NTNG2: variants seen among roughly 807,000 people sequenced by gnomAD.
The protein encoded by NTNG2 is netrin G2.
Under a neutral mutation model 47.6 loss-of-function variants are expected in NTNG2, and 15 were observed. That is an observed-to-expected ratio of 0.32 (90% confidence interval 0.21 to 0.49). NTNG2 has a LOEUF of 0.49. Among genes scored for constraint, NTNG2 ranks in the 20% least tolerant of loss-of-function variants. The pLI is 0.99. For synonymous variants in NTNG2, 307 were observed against 324.6 expected (o/e 0.95, Z 0.58); for missense variants, 578 against 764.6 (o/e 0.76, Z 2.88).
At position 132,231,167 on chromosome 9, in the gene NTNG2, C is replaced by T. The variant is rs1032735323; in HGVS notation, c.1054+572C>T. ...GAGTCGGACCAGGGAGGGGCATCTGCAGGAGGTGGGGGTCCTGAGAGTTCC... is the reference window on the plus strand; with the variant it reads ...GAGTCGGACCAGGGAGGGGCATCTGTAGGAGGTGGGGGTCCTGAGAGTTCC... On this transcript the variant is annotated intron_variant, in intron 5 of 7. Coordinates refer to ENST00000393229, the MANE Select transcript of NTNG2 (RefSeq NM_032536.4). The surrounding 1 kb of genome is among the most constrained non-coding windows in gnomAD (Gnocchi z 4.1). The T allele has an allele frequency of 2.6e-6, 1 of 384,892 alleles. No individual in the cohort carries two copies. Among genetic ancestry groups the T allele is most frequent in the East Asian group, 7.7e-5 (1 of 12,966 alleles). 23.8% of individuals were successfully genotyped at this position (384,892 alleles called of 1,614,324 possible).
At position 132,198,351 on chromosome 9, in the gene NTNG2, C is replaced by T. The variant is rs1227245973; in HGVS notation, c.599C>T (p.Ser200Leu). The T allele has an allele frequency of 6.2e-7, 1 of 1,612,882 alleles. No individual in the cohort carries two copies. Among genetic ancestry groups the T allele is most frequent in the Non-Finnish European group, 8.5e-7 (1 of 1,179,918 alleles). Residue 200 changes from serine to leucine, a missense_variant, in exon 3 of 8, where the codon TCG becomes TTG. By Grantham distance (145) the Ser-to-Leu change is moderately radical (BLOSUM62 -2). Transcript: ENST00000393229. ...CGCGTGCTCTGCACCGAGGAGTACT[C>T]GCGCTGGGCAGGCTCCAAGAAGGAG... is the stretch of plus-strand genomic sequence containing the variant. The part of the protein sequence containing the change: ...AHRVLCTEEY[S>L]RWAGSKKEKH...
rs2131233631 is a variant in NTNG2, at chr9:132,162,849, C to T, written c.-484+610C>T. Among the ~76,000 whole-genome samples the T allele has an allele frequency of 6.6e-6, 1 of 152,106 alleles. No individual in the cohort carries two copies. ...GAGGGGGTCGGGAGGTGAGGGGGCGCAGGCACTGGTTTGGGGCCGGCGTGG... is the reference window on the plus strand; with the variant it reads ...GAGGGGGTCGGGAGGTGAGGGGGCGTAGGCACTGGTTTGGGGCCGGCGTGG... On this transcript the variant is annotated intron_variant, in intron 1 of 7. Coordinates refer to ENST00000393229, the MANE Select transcript of NTNG2 (RefSeq NM_032536.4). This position sits in a 1 kb window ranked among gnomAD's most constrained non-coding sequence, Gnocchi z 4.6.
chr9:132,211,847 G>A (rs1301479876), intron 3 of NTNG2, among the ~76,000 whole-genome samples: 2 of 152,222 alleles, frequency 1.3e-5, no homozygotes, highest in Non-Finnish European at 2.9e-5. Flanking sequence ...AGCAGGGATG[G>A]GGTCTGGCTT....
chr9:132,228,661 G>A (rs1160260978), intron 4 of NTNG2, among the ~76,000 whole-genome samples: 1 of 151,692 alleles, frequency 6.6e-6, no homozygotes, highest in African/African-American at 2.4e-5. Flanking sequence ...GGGCTTGAGC[G>A]ATCCTCCCAC....
intron 2 of NTNG2, among the ~76,000 whole-genome samples, chr9:132,175,483 G>A (rs746770498): frequency 4.6e-5 from 7 of 152,228 alleles, no homozygotes; most frequent in Non-Finnish European, 1.0e-4. Context: ...GACCGGGGCT[G>A]ACCTGGCCAG....
rs148325549 is a variant in NTNG2, at chr9:132,205,124, GA to G, written c.857+6517del. On this transcript the variant is annotated intron_variant, in intron 3 of 7. Transcript: ENST00000393229. ...TCCGCTCCTAGGTATAGACCCAACA[GA>G]ACTGAAAGAAGGGACTTGAACAGAT... Among the ~76,000 whole-genome samples the G allele has an allele frequency of 7.3e-3, 1,116 of 152,306 alleles. 13 individuals are homozygous for G. The highest frequency in any genetic ancestry group is 0.025 in the African/African-American group (1,033 of 41,546).
intron 2 of NTNG2, among the ~76,000 whole-genome samples, chr9:132,190,866 T>TC (rs1339284478): frequency 6.6e-6 from 1 of 152,138 alleles, no homozygotes; most frequent in Non-Finnish European, 1.5e-5. Context: ...CTGGCTGCCT[T>TC]CCCTTCCCTC....
chr9:132,187,009 G>C (rs1268972156), intron 2 of NTNG2, among the ~76,000 whole-genome samples: 2 of 152,276 alleles, frequency 1.3e-5, no homozygotes, highest in Admixed American at 6.5e-5. Flanking sequence ...ATAATGCGGG[G>C]TGAGGGGCGG....
At chr9:132,239,526 C>T (rs1841850322) in intron 6 of NTNG2, among the ~76,000 whole-genome samples, 3 of 152,378 alleles carry the variant, frequency 2.0e-5, no homozygotes, top group East Asian at 1.9e-4. Flanking sequence ...GCCCTTCCCT[C>T]TCTGGGCAAC....
At chr9:132,190,232 CAAAAAAAAAAAAAAAAAA>C (rs58974463) in intron 2 of NTNG2, among the ~76,000 whole-genome samples, 1 of 69,928 alleles carries the variant, frequency 1.4e-5, no homozygotes, top group Non-Finnish European at 2.7e-5. Flanking sequence ...GACTCCATCT[CAAAAAAAAAAAAAAAAAA>C]AAAAAAAAAA....
At chr9:132,239,040 C>T (rs1288042131) in intron 5 of NTNG2, 64 bp from the exon 6 acceptor site, 3 of 1,545,316 alleles carry the variant, frequency 1.9e-6, no homozygotes, top group Admixed American at 1.7e-5. Flanking sequence ...CCTTCCTCGC[C>T]CTGTCCCTCA....
At chr9:132,200,101 G>A in intron 3 of NTNG2, among the ~76,000 whole-genome samples, 1 of 152,190 alleles carries the variant, frequency 6.6e-6, no homozygotes, top group East Asian at 1.9e-4. Context: ...GGTTAAATGA[G>A]TTAAAGTTGA....
Position 132,189,068 on chromosome 9 carries a change from C to CTTTTTT in NTNG2, c.214-8876_214-8871dup, listed in dbSNP as rs749756559. On this transcript the variant is annotated intron_variant, in intron 2 of 7. Coordinates refer to ENST00000393229, the MANE Select transcript of NTNG2 (RefSeq NM_032536.4). ...TATGTGAAAAAGGCTTTAAGCCTTTCTTTTTTTTTTTTTTTTTTTTTTTTT... is the reference window on the plus strand; with the variant it reads ...TATGTGAAAAAGGCTTTAAGCCTTTCTTTTTTTTTTTTTTTTTTTTTTTTTTTTTTT... 2.7e-3 allele frequency among the ~76,000 whole-genome samples: 255 copies of CTTTTTT among 93,240 alleles called. 30 individuals carry two copies. Among genetic ancestry groups the CTTTTTT allele is most frequent in the African/African-American group, 4.3e-3 (94 of 21,968 alleles). 61.2% of individuals were successfully genotyped at this position (93,240 alleles called of 152,430 possible).
intron 2 of NTNG2, among the ~76,000 whole-genome samples, chr9:132,169,913 T>C (rs1463987574): frequency 6.6e-6 from 1 of 152,168 alleles, no homozygotes; most frequent in Non-Finnish European, 1.5e-5. Flanking sequence ...TCTGGCAGCA[T>C]GTGGAAGATG....
intron 3 of NTNG2, among the ~76,000 whole-genome samples, chr9:132,224,635 AT>A (rs1840601453): frequency 1.3e-5 from 2 of 152,370 alleles, no homozygotes; most frequent in East Asian, 3.9e-4. Flanking sequence ...GCATATTTTA[AT>A]AAAAATAGGA....
intron 3 of NTNG2, among the ~76,000 whole-genome samples, chr9:132,207,465 A>G (rs1839253869): frequency 6.6e-6 from 1 of 152,188 alleles, no homozygotes. Flanking sequence ...CTCCCTGAGC[A>G]TCTGTCTTAC....
intron 3 of NTNG2, among the ~76,000 whole-genome samples, chr9:132,205,220 T>C (rs1263373795): frequency 6.6e-6 from 1 of 152,144 alleles, no homozygotes; most frequent in African/African-American, 2.4e-5. Context: ...CAACTGTTCA[T>C]CAACAAATGA....
Position 132,242,410 on chromosome 9 carries a change from G to T in NTNG2, c.*299G>T, listed in dbSNP as rs1325846443. On this transcript the variant is annotated 3_prime_UTR_variant, in exon 8 of 8. Coordinates refer to ENST00000393229, the MANE Select transcript of NTNG2 (RefSeq NM_032536.4). The surrounding 1 kb of genome is among the most constrained non-coding windows in gnomAD (Gnocchi z 5.9). ...CTCTCTTTTTTTTTTTTTTTTTCTG[G>T]CGGTGAGCCAGAGGGTCGGGAGAAA... The T allele has an allele frequency of 6.9e-6, 1 of 145,594 alleles. No individual in the cohort carries two copies. The highest frequency in any genetic ancestry group is 1.5e-5 in the Non-Finnish European group (1 of 68,140). The allele number at this position is 145,594 out of a possible 1,614,324, so 9.0% of individuals were successfully genotyped here. A position where few individuals can be genotyped will look rare whatever the true frequency, so the allele number is the denominator to read the frequency against.
Position 132,198,117 on chromosome 9 carries a change from A to G in NTNG2, c.365A>G (p.Asn122Ser). 1 of 1,613,934 alleles carries G rather than the reference A, an allele frequency of 6.2e-7. No homozygotes were observed. The highest frequency in any genetic ancestry group is 8.5e-7 in the Non-Finnish European group (1 of 1,180,030). Residue 122 changes from asparagine to serine, a missense_variant, in exon 3 of 8, where the codon AAC becomes AGC. Transcript: ENST00000393229. ...CGCTACCCCAGCCCGCTGGAAGCCA[A>G]CATCACCCTTTCGTGGAACAAGACC... The part of the protein sequence containing the change: ...WSRYPSPLEA[N>S]ITLSWNKTVE...
Sources: allele counts gnomAD v4.1 joint callset (sites outside exome capture counted in the v4.1 genomes callset), GRCh38; gene constraint gnomAD v4.1.1; non-coding constraint Gnocchi (gnomAD v3.1); transcripts MANE v1.5; gene names NCBI Gene and HGNC (gene_info 2026-07-23, HGNC 2026-07-21).